The following COG5 variants were observed in gnomAD, a reference collection of about 807,000 sequenced individuals.
The protein encoded by COG5 is conserved oligomeric Golgi complex subunit 5.
COG5 carries 86 observed loss-of-function variants against 110.4 expected under a neutral mutation model. The observed-to-expected ratio is 0.78, with a 90% CI of 0.65 to 0.93. COG5 has a LOEUF of 0.93. COG5 is among the 40% of genes least tolerant of loss of function. The probability of loss-of-function intolerance (pLI) is 0.00; values close to 1 mark genes in which losing one functional copy is unlikely to be tolerated. For synonymous variants in COG5, 360 were observed against 334.6 expected, an observed-to-expected ratio of 1.08 and a Z score of -0.83; for missense variants, 1,077 against 987.0, an observed-to-expected ratio of 1.09 and a Z score of -1.22.
intron 14 of COG5, among the ~76,000 whole-genome samples, chr7:107,275,008 T>C (rs1804584947): frequency 6.6e-6 from 1 of 152,152 alleles, no homozygotes; most frequent in African/African-American, 2.4e-5. Context: ...CCCCAGCTAG[T>C]CTTGGACTAC....
chr7:107,277,370 T>C (rs1049993628), intron 14 of COG5, among the ~76,000 whole-genome samples: 3 of 152,120 alleles, frequency 2.0e-5, no homozygotes, highest in African/African-American at 7.2e-5. Context: ...CCCTTACTCA[T>C]TATACGTTTC....
intron 3 of COG5, among the ~76,000 whole-genome samples, chr7:107,550,313 G>A (rs1802797401): frequency 7.5e-6 from 1 of 132,942 alleles, no homozygotes; most frequent in African/African-American, 3.0e-5. Flanking sequence ...CCAAACCAGT[G>A]TCCCTGATTC....
At chr7:107,548,471 T>C in intron 3 of COG5, 139 bp from the exon 4 acceptor site, 1 of 787,882 alleles carries the variant, frequency 1.3e-6, no homozygotes, top group Non-Finnish European at 2.2e-6. Context: ...ACCAGTATCT[T>C]TTACCCACAC....
intron 10 of COG5, among the ~76,000 whole-genome samples, chr7:107,351,514 G>T (rs1301312022): frequency 6.6e-6 from 1 of 152,094 alleles, no homozygotes; most frequent in African/African-American, 2.4e-5. Context: ...CCATCAGAGT[G>T]AACAGGCAAC....
At chr7:107,407,617 CT>C (rs1212163892) in intron 7 of COG5, among the ~76,000 whole-genome samples, 3,092 of 128,590 alleles carry the variant, frequency 0.024, 68 homozygotes, top group African/African-American at 0.068. Context: ...TAAGCATCTT[CT>C]TTTTTTTTTT....
At chr7:107,414,911 A>G (rs747533735) in intron 6 of COG5, among the ~76,000 whole-genome samples, 123 of 151,314 alleles carry the variant, frequency 8.1e-4, no homozygotes, top group Non-Finnish European at 2.2e-4. Flanking sequence ...GTATTTTAGT[A>G]GAGACGGGGT....
At chr7:107,338,829 G>A (rs1018684459) in intron 10 of COG5, among the ~76,000 whole-genome samples, 3 of 151,998 alleles carry the variant, frequency 2.0e-5, no homozygotes, top group African/African-American at 7.2e-5. Flanking sequence ...TATTAAAATG[G>A]CTAACAAGCA....
chr7:107,492,986 G>A (rs1459028839), intron 6 of COG5, among the ~76,000 whole-genome samples: 2 of 152,074 alleles, frequency 1.3e-5, no homozygotes, highest in African/African-American at 4.8e-5. Flanking sequence ...TCATATGCTG[G>A]AAGTTTAATC....
chr7:107,314,913 ATCCC>A (rs1808594542), intron 11 of COG5, among the ~76,000 whole-genome samples: 1 of 152,210 alleles, frequency 6.6e-6, no homozygotes, highest in African/African-American at 2.4e-5. Context: ...TTCCTAAAAG[ATCCC>A]TCTTATCTCA....
chr7:107,312,480 C>G (rs1324058237), intron 11 of COG5, among the ~76,000 whole-genome samples: 1 of 152,086 alleles, frequency 6.6e-6, no homozygotes, highest in African/African-American at 2.4e-5. Flanking sequence ...AGGTCTTGCT[C>G]ATGTTTGGGT....
chr7:107,536,684 T>C (rs1219713832), intron 5 of COG5, among the ~76,000 whole-genome samples: 1 of 152,220 alleles, frequency 6.6e-6, no homozygotes, highest in Non-Finnish European at 1.5e-5. Flanking sequence ...ATGGCCATTC[T>C]GCCCAAAATA....
At chr7:107,543,701 C>T (rs182887514) in intron 5 of COG5, among the ~76,000 whole-genome samples, 135 of 152,222 alleles carry the variant, frequency 8.9e-4, no homozygotes, top group African/African-American at 3.1e-3. Flanking sequence ...AGGTCTGCCC[C>T]GCATCAGGTT....
intron 8 of COG5, among the ~76,000 whole-genome samples, chr7:107,371,613 A>G (rs1444983758): frequency 6.6e-6 from 1 of 152,202 alleles, no homozygotes; most frequent in Non-Finnish European, 1.5e-5. Flanking sequence ...TTAACTATAG[A>G]TAACATTTTG....
At chr7:107,521,677 T>C (rs540968416) in intron 6 of COG5, among the ~76,000 whole-genome samples, 20 of 152,226 alleles carry the variant, frequency 1.3e-4, no homozygotes, top group Non-Finnish European at 2.5e-4. Context: ...GCTTTTACAC[T>C]GTTGGTGGGA....
intron 6 of COG5, among the ~76,000 whole-genome samples, chr7:107,521,201 A>G (rs1471704681): frequency 6.6e-6 from 1 of 152,248 alleles, no homozygotes; most frequent in Non-Finnish European, 1.5e-5. Flanking sequence ...CTAGATGAAA[A>G]CATAGACAAG....
intron 12 of COG5, among the ~76,000 whole-genome samples, chr7:107,293,964 C>A (rs1323881214): frequency 1.3e-5 from 2 of 151,804 alleles, no homozygotes; most frequent in Admixed American, 1.3e-4. Flanking sequence ...CCCAGCTGCT[C>A]GGGAGGCTGA....
At chr7:107,366,466 T>C (rs552339202) in intron 8 of COG5, among the ~76,000 whole-genome samples, 1 of 151,754 alleles carries the variant, frequency 6.6e-6, no homozygotes, top group Non-Finnish European at 1.5e-5. Flanking sequence ...CAATATACAA[T>C]GGAAGAAAAC....
At chr7:107,558,169 T>C in intron 1 of COG5, 54 bp from the exon 2 acceptor site, 1 of 1,550,768 alleles carries the variant, frequency 6.4e-7, no homozygotes, top group Non-Finnish European at 8.9e-7. Context: ...ACTAAACCAG[T>C]TATTAAACAA....
intron 19 of COG5, among the ~76,000 whole-genome samples, chr7:107,221,397 T>A (rs571395411): frequency 6.6e-6 from 1 of 152,224 alleles, no homozygotes; most frequent in Non-Finnish European, 1.5e-5. Flanking sequence ...TCCTCCCATC[T>A]CTTAGTACTT....
Sources: gnomAD v4.1 joint callset for allele counts (sites outside exome capture counted in the v4.1 genomes callset) on GRCh38, gnomAD v4.1.1 for gene constraint, MANE v1.5 for transcripts, NCBI Gene and HGNC (gene_info 2026-07-23, HGNC 2026-07-21) for gene names.